GPC1: variants seen among roughly 807,000 people sequenced by gnomAD.
GPC1 encodes glypican-1.
Under a neutral mutation model 51.5 loss-of-function variants are expected in GPC1, and 26 were observed. The observed-to-expected ratio is 0.50, with a 90% CI of 0.37 to 0.70. The LOEUF is 0.70. Among genes scored for constraint, GPC1 ranks in the 30% least tolerant of loss-of-function variants. The pLI is 0.00. For missense variants in GPC1, 775 were observed against 800.5 expected (o/e 0.97, Z 0.38); for synonymous variants, 380 against 348.3 (o/e 1.09, Z -1.01).
chr2:240,456,149 G>C (rs974696201), intron 1 of GPC1: 11 of 265,122 alleles, frequency 4.1e-5, no homozygotes, highest in Admixed American at 1.2e-4. Flanking sequence ...GGGGTCGGCG[G>C]GGGAGGCTGA....
At chr2:240,456,569 G>A (rs780372829) in intron 1 of GPC1, 7 of 468,346 alleles carry the variant, frequency 1.5e-5, no homozygotes, top group Non-Finnish European at 3.1e-5. Flanking sequence ...CCCCAGGCAC[G>A]TTTCCCTCCC....
chr2:240,452,876 A>G, intron 1 of GPC1: 1 of 224,924 alleles, frequency 4.4e-6, no homozygotes, highest in South Asian at 4.6e-5. Context: ...CGCCCGGCGG[A>G]CCGCAGCCCG....
chr2:240,459,193 G>C lies in GPC1; in HGVS notation c.325+5G>C, dbSNP rs758613763. The C allele has an allele frequency of 2.0e-5, 33 of 1,610,738 alleles. No individual in the cohort carries two copies. The East Asian group carries it at 4.5e-4, about 22-fold the overall frequency. On this transcript the variant is annotated splice_donor_5th_base_variant and intron_variant, in intron 2 of 8. Transcript: ENST00000264039. Reference sequence around the variant, plus strand: ...CCCAGCTGCGCAGCTTCGATGGTGAGTGCCTCCCACGGGCGCTCGGGGCCC... The same window carrying C: ...CCCAGCTGCGCAGCTTCGATGGTGACTGCCTCCCACGGGCGCTCGGGGCCC...
intron 2 of GPC1, among the ~76,000 whole-genome samples, chr2:240,460,324 C>T (rs947524521): frequency 4.6e-5 from 7 of 152,224 alleles, no homozygotes; most frequent in Non-Finnish European, 7.4e-5. Context: ...CAGCTGGACC[C>T]GGGGAGCGAG....
chr2:240,450,205 T>TGGGC, intron 1 of GPC1: 2 of 327,378 alleles, frequency 6.1e-6, no homozygotes, highest in South Asian at 5.0e-5. Flanking sequence ...CCTGCCATGC[T>TGGGC]GGGCAGGCAG....
chr2:240,453,037 CG>C, intron 1 of GPC1: 1 of 343,162 alleles, frequency 2.9e-6, no homozygotes, highest in Non-Finnish European at 5.7e-6. Flanking sequence ...CCGCGTCCGC[CG>C]CCGCGCTGGA....
In GPC1 at chr2:240,464,850, C is replaced by T. The variant is rs149604493; in HGVS notation, c.1015-6C>T. On this transcript the variant is annotated splice_polypyrimidine_tract_variant and splice_region_variant and intron_variant, in intron 5 of 8. Coordinates refer to ENST00000264039, the MANE Select transcript of GPC1 (RefSeq NM_002081.3). ...ACCCCCCAAGGACCCTGCAGTGTCT[C>T]TCCAGGTCATCCAGGGCTGCGGGAA... 4.4e-4 allele frequency: 684 copies of T among 1,558,940 alleles called. 10 individuals are homozygous for T. In the East Asian group the frequency reaches 0.016, roughly 36 times the overall value.
intron 1 of GPC1, among the ~76,000 whole-genome samples, chr2:240,440,314 T>A (rs1473801331): frequency 6.6e-6 from 1 of 151,932 alleles, no homozygotes; most frequent in Non-Finnish European, 1.5e-5. Context: ...ACGGAAGGGG[T>A]CTTTGTAGAC....
At chr2:240,437,190 G>T (rs945372334) in intron 1 of GPC1, among the ~76,000 whole-genome samples, 43 of 152,128 alleles carry the variant, frequency 2.8e-4, no homozygotes, top group African/African-American at 9.7e-4. Flanking sequence ...ATGGTCCTGG[G>T]GATTCTGAGC....
intron 1 of GPC1, among the ~76,000 whole-genome samples, chr2:240,439,980 G>C (rs1477107598): frequency 2.0e-5 from 3 of 152,228 alleles, no homozygotes; most frequent in African/African-American, 7.2e-5. Context: ...ATGCCAGGCA[G>C]GCCACAGCAC....
intron 1 of GPC1, 43 bp downstream of exon 1, chr2:240,436,127 T>A: frequency 8.2e-7 from 1 of 1,214,862 alleles, no homozygotes; most frequent in Non-Finnish European, 1.0e-6. Context: ...CTGGCCGGGC[T>A]TTGGGCTCCG....
intron 1 of GPC1, chr2:240,452,742 G>C (rs1371091679): frequency 1.3e-5 from 2 of 150,146 alleles, no homozygotes; most frequent in Non-Finnish European, 3.0e-5. Context: ...GGGCGGTGCC[G>C]AGCGCGGCGG....
At chr2:240,464,473 G>A in intron 4 of GPC1, 143 bp from the exon 5 acceptor site, 1 of 1,117,614 alleles carries the variant, frequency 8.9e-7, no homozygotes, top group Non-Finnish European at 1.3e-6. Context: ...GGGCCAACCT[G>A]AGTGCACACG....
chr2:240,442,878 C>T (rs1213165291), intron 1 of GPC1, among the ~76,000 whole-genome samples: 1 of 152,240 alleles, frequency 6.6e-6, no homozygotes, highest in Non-Finnish European at 1.5e-5. Flanking sequence ...GCCCGAGACC[C>T]TGGTGACAGT....
chr2:240,445,653 C>T (rs189488965), intron 1 of GPC1, among the ~76,000 whole-genome samples: 35 of 152,264 alleles, frequency 2.3e-4, no homozygotes, highest in Admixed American at 6.5e-4. Flanking sequence ...GGATGTAATT[C>T]ATGGGCTTCA....
chr2:240,437,734 C>A (rs2073993181), intron 1 of GPC1, among the ~76,000 whole-genome samples: 1 of 152,168 alleles, frequency 6.6e-6, no homozygotes, highest in African/African-American at 2.4e-5. Flanking sequence ...GAGTGGCTGC[C>A]CCTCCCAGCC....
At chr2:240,439,858 G>A (rs1376417024) in intron 1 of GPC1, among the ~76,000 whole-genome samples, 1 of 152,178 alleles carries the variant, frequency 6.6e-6, no homozygotes, top group Non-Finnish European at 1.5e-5. Flanking sequence ...TCCATGAGAG[G>A]AGCTCATCAT....
In GPC1 at chr2:240,467,221, G is replaced by A. The variant is rs947180794; in HGVS notation, c.*931G>A. On this transcript the variant is annotated 3_prime_UTR_variant, in exon 9 of 9. Coordinates refer to ENST00000264039, the MANE Select transcript of GPC1 (RefSeq NM_002081.3). ...TCACGGTGACACAGGTCAGGGCTCA[G>A]AGTGACCCTCAGCTGTCACCTGCTC... The A allele has an allele frequency of 6.6e-6, 1 of 152,340 alleles. No homozygotes were observed. Among genetic ancestry groups the A allele is most frequent in the African/African-American group, 2.4e-5 (1 of 41,466 alleles). The allele number at this position is 152,340 out of a possible 1,614,324, so 9.4% of individuals were successfully genotyped here.
chr2:240,462,068 C>T, intron 2 of GPC1, 123 bp from the exon 3 acceptor site: 1 of 963,122 alleles, frequency 1.0e-6, no homozygotes, highest in Non-Finnish European at 1.5e-6. Flanking sequence ...AGTGTGGCGT[C>T]CGACTCCGAG....
Sources: gnomAD v4.1 joint callset for allele counts (sites outside exome capture counted in the v4.1 genomes callset) on GRCh38, gnomAD v4.1.1 for gene constraint, MANE v1.5 for transcripts, NCBI Gene and HGNC (gene_info 2026-07-23, HGNC 2026-07-21) for gene names.